SURF4: variants seen among roughly 807,000 people sequenced by gnomAD.
SURF4 encodes surfeit locus protein 4.
In SURF4, 3 loss-of-function variants were observed where a neutral mutation model predicts 30.0. That is an observed-to-expected ratio of 0.10 (90% CI 0.05 to 0.26). SURF4 has a LOEUF of 0.26. SURF4 is among the 10% of genes least tolerant of loss of function. The pLI is 1.00. For synonymous variants in SURF4, 143 were observed against 139.9 expected (o/e 1.02, Z -0.16); for missense variants, 217 against 350.8 (o/e 0.62, Z 3.05).
At position 133,363,907 on chromosome 9, in the gene SURF4, G is replaced by A. The variant is rs2130096313; in HGVS notation, c.544-148C>T. The A allele has an allele frequency of 9.9e-7, 1 of 1,012,704 alleles. No homozygotes were observed. 62.7% of individuals were successfully genotyped at this position (1,012,704 alleles called of 1,614,324 possible). Reference sequence around the variant, plus strand: ...TGAGACGGCTGCTGGTGCAAGTAGGGAGATAAAAGCCAAAGGGAGGCAGGA... The same window carrying A: ...TGAGACGGCTGCTGGTGCAAGTAGGAAGATAAAAGCCAAAGGGAGGCAGGA... On this transcript the variant is annotated intron_variant, in intron 5 of 5. Coordinates refer to ENST00000371989, the MANE Select transcript of SURF4 (RefSeq NM_033161.4). This position sits in a 1 kb window ranked among gnomAD's most constrained non-coding sequence, Gnocchi z 4.3.
At chr9:133,375,328 A>G in intron 1 of SURF4, 2 of 983,986 alleles carry the variant, frequency 2.0e-6, no homozygotes, top group Non-Finnish European at 1.2e-6. Context: ...AGCCCAGGGC[A>G]GAGTCCAAAC....
upstream of SURF4, among the ~76,000 whole-genome samples, chr9:133,377,042 A>G (rs1837988689): frequency 6.6e-6 from 1 of 152,262 alleles, no homozygotes; most frequent in Non-Finnish European, 1.5e-5. Flanking sequence ...TATACACTTT[A>G]TTAAATGTTA....
Position 133,363,658 on chromosome 9 carries a change from G to A in SURF4, c.645C>T (p.Ile215=), listed in dbSNP as rs143463762. The A allele has an allele frequency of 6.8e-6, 11 of 1,614,090 alleles. No homozygotes were observed. In the African/African-American group the frequency reaches 1.5e-4, roughly 22 times the overall value. ...ALTLVVWLFA[I]NVYFNAFWTI... ...TCCAGAAGGCGTTGAAATATACGTT[G>A]ATGGCAAAGAGCCACACAACAAGAG... The change falls in exon 6 of 6, where the codon ATC becomes ATT. Residue 215 remains isoleucine (I), a synonymous_variant. Coordinates refer to ENST00000371989, the MANE Select transcript of SURF4 (RefSeq NM_033161.4). The surrounding 1 kb of genome is among the most constrained non-coding windows in gnomAD (Gnocchi z 4.3).
upstream of SURF4, chr9:133,376,296 C>G (rs1334665961): frequency 3.0e-6 from 4 of 1,337,904 alleles, no homozygotes; most frequent in East Asian, 9.4e-5. Context: ...CCTCCCGGCC[C>G]GGCGGAACGC....
intron 1 of SURF4, 146 bp from the exon 2 acceptor site, chr9:133,367,591 G>C: frequency 6.6e-7 from 1 of 1,518,144 alleles, no homozygotes; most frequent in Non-Finnish European, 8.8e-7. Context: ...TCCCAGGGCA[G>C]ACTAGGGGGC....
chr9:133,376,435 C>T, upstream of SURF4: 1 of 1,536,864 alleles, frequency 6.5e-7, no homozygotes, highest in Non-Finnish European at 8.8e-7. Flanking sequence ...GGGGTGGGGC[C>T]AGGGGTGGAC....
rs966431315 is a variant in SURF4, at chr9:133,367,457, C to T, written c.49-12G>A. The T allele has an allele frequency of 6.2e-7, 1 of 1,612,678 alleles. No homozygotes were observed. Among genetic ancestry groups the T allele is most frequent in the Admixed American group, 1.7e-5 (1 of 60,028 alleles). On this transcript the variant is annotated splice_polypyrimidine_tract_variant and intron_variant, in intron 1 of 5. Transcript: ENST00000371989. ...GTGACACGGAGGAACTGCAGGGCCA[C>T]AGAAACCCAAGGGTGAGGTGGCTGC...
At chr9:133,376,514 G>C (rs1837957744), upstream of SURF4, 1 of 1,601,440 alleles carries the variant, frequency 6.2e-7, no homozygotes, top group African/African-American at 1.3e-5. Flanking sequence ...CCCACGCAGG[G>C]GGAGCGAGGC....
chr9:133,376,485 A>G (rs972338226), upstream of SURF4: 7 of 1,592,794 alleles, frequency 4.4e-6, no homozygotes, highest in Admixed American at 5.3e-5. Context: ...TGCTTGGGCC[A>G]GGGTCCAATC....
Position 133,367,488 on chromosome 9 carries a change from G to A in SURF4, c.49-43C>T, listed in dbSNP as rs2130143614. ...CCCAAGGGTGAGGTGGCTGCGGCGGGGAGCACCAGGCCGCTGCCAGGCACG... is the reference window on the plus strand; with the variant it reads ...CCCAAGGGTGAGGTGGCTGCGGCGGAGAGCACCAGGCCGCTGCCAGGCACG... On this transcript the variant is annotated intron_variant, in intron 1 of 5. Coordinates refer to ENST00000371989, the MANE Select transcript of SURF4 (RefSeq NM_033161.4). The A allele has an allele frequency of 3.7e-6, 6 of 1,607,408 alleles. No individual in the cohort carries two copies. In the East Asian group the frequency reaches 8.9e-5, roughly 24 times the overall value.
Position 133,363,470 on chromosome 9 carries a change from A to G in SURF4, c.*23T>C, listed in dbSNP as rs958317167. ...TCCTTGACGGCCACGGGTCTTAGCC[A>G]GGCAGGTAGGGATCTGTGACTGTTA... On this transcript the variant is annotated 3_prime_UTR_variant, in exon 6 of 6. Coordinates refer to ENST00000371989, the MANE Select transcript of SURF4 (RefSeq NM_033161.4). This position sits in a 1 kb window ranked among gnomAD's most constrained non-coding sequence, Gnocchi z 4.3. The G allele has an allele frequency of 6.2e-7, 1 of 1,614,272 alleles. No homozygotes were observed. The highest frequency in any genetic ancestry group is 8.5e-7 in the Non-Finnish European group (1 of 1,180,044).
rs117188902 is a variant in SURF4, at chr9:133,367,374, G to A, written c.120C>T (p.Asp40=). The change falls in exon 2 of 6, where the codon GAC becomes GAT. Residue 40 remains aspartate (D), a synonymous_variant. Transcript: ENST00000371989. ...RLCLISTFLE[D]GIRMWFQWSE... is the part of the protein sequence containing the mutation. The stretch of plus-strand genomic sequence containing the variant: ...TCCACTGGAACCACATACGGATGCC[G>A]TCCTCCAGGAAGGTGCTGATCAGAC... The A allele has an allele frequency of 7.4e-4, 1,199 of 1,614,222 alleles. 2 individuals are homozygous for A. The highest frequency in any genetic ancestry group is 9.4e-4 in the Non-Finnish European group (1,108 of 1,180,058).
At chr9:133,376,380 C>T (rs1216093653), upstream of SURF4, 20 of 1,413,710 alleles carry the variant, frequency 1.4e-5, no homozygotes, top group African/African-American at 4.6e-5. Context: ...GCCTCGAGGG[C>T]GCCGTTCGGG....
In SURF4 at chr9:133,365,008, T is replaced by G. The variant is rs2130112694; in HGVS notation, c.375A>C (p.Gly125=). The change falls in exon 5 of 6, where the codon GGA becomes GGC. Residue 125 remains glycine, a synonymous_variant. Coordinates refer to ENST00000371989, the MANE Select transcript of SURF4 (RefSeq NM_033161.4). ...KFLMRNLALG[G]GLLLLLAESR... ...ATTCTGCTAGGAGCAGCAACAGGCC[T>G]CCTCCCAGGGCCAGGTTCCTGAGGA... is the stretch of plus-strand genomic sequence containing the variant. The G allele has an allele frequency of 1.9e-6, 3 of 1,578,320 alleles. No individual in the cohort carries two copies. Among genetic ancestry groups the G allele is most frequent in the Admixed American group, 1.8e-5 (1 of 55,506 alleles).
intron 1 of SURF4, chr9:133,371,068 G>A (rs2130186250): frequency 4.0e-6 from 5 of 1,236,496 alleles, no homozygotes; most frequent in Non-Finnish European, 5.2e-6. Context: ...ATGACTTCCT[G>A]GGCATCCAGT....
intron 5 of SURF4, among the ~76,000 whole-genome samples, chr9:133,364,133 C>T (rs1379603827): frequency 6.6e-6 from 1 of 152,206 alleles, no homozygotes; most frequent in African/African-American, 2.4e-5. Context: ...GGACACTACC[C>T]GGCCAGGGCT....
chr9:133,367,480 T>C, intron 1 of SURF4, 35 bp from the exon 2 acceptor site: 2 of 1,609,116 alleles, frequency 1.2e-6, no homozygotes, highest in African/African-American at 1.3e-5. Context: ...GTGAGGTGGC[T>C]GCGGCGGGGA....
chr9:133,367,497 G>A, intron 1 of SURF4, 52 bp from the exon 2 acceptor site: 1 of 1,605,488 alleles, frequency 6.2e-7, no homozygotes, highest in South Asian at 1.1e-5. Context: ...GGGAGCACCA[G>A]GCCGCTGCCA....
upstream of SURF4, chr9:133,376,234 G>C: frequency 7.7e-7 from 1 of 1,290,422 alleles, no homozygotes; most frequent in Non-Finnish European, 9.8e-7. Context: ...CGCGCTCGAC[G>C]CCACGCCTCT....
Sources: allele counts gnomAD v4.1 joint callset (sites outside exome capture counted in the v4.1 genomes callset), GRCh38; gene constraint gnomAD v4.1.1; non-coding constraint Gnocchi (gnomAD v3.1); transcripts MANE v1.5; gene names NCBI Gene and HGNC (gene_info 2026-07-23, HGNC 2026-07-21).